Variants in PDSS2 observed in about 807,000 individuals in gnomAD.
The protein encoded by PDSS2 is decaprenyl diphosphate synthase subunit 2.
In PDSS2, 31 loss-of-function variants were observed where a neutral mutation model predicts 44.5. The observed-to-expected ratio is 0.70, with a 90% CI of 0.52 to 0.94. PDSS2 has a LOEUF of 0.94. Ranked by LOEUF, PDSS2 falls within the 40% of genes least tolerant of loss-of-function variation. The pLI is 0.00. For missense variants in PDSS2, 452 were observed against 482.2 expected, an observed-to-expected ratio of 0.94 and a Z score of 0.59; for synonymous variants, 157 against 180.3, an observed-to-expected ratio of 0.87 and a Z score of 1.03.
At chr6:107,173,582 A>AAC (rs1554249177) in intron 7 of PDSS2, among the ~76,000 whole-genome samples, 4 of 148,166 alleles carry the variant, frequency 2.7e-5, no homozygotes, top group Non-Finnish European at 5.9e-5. Flanking sequence ...CAAAAAAAAA[A>AAC]AAAAAAAAAA....
At chr6:107,229,540 T>C (rs954605172) in intron 4 of PDSS2, among the ~76,000 whole-genome samples, 1 of 152,156 alleles carries the variant, frequency 6.6e-6, no homozygotes, top group African/African-American at 2.4e-5. Flanking sequence ...CCCCTTCTAC[T>C]TTGGTAGGGT....
chr6:107,329,221 G>A (rs1008711791), intron 2 of PDSS2, among the ~76,000 whole-genome samples: 1 of 152,176 alleles, frequency 6.6e-6, no homozygotes, highest in Non-Finnish European at 1.5e-5. Flanking sequence ...ACTATGCCAT[G>A]CAGTATTCTA....
chr6:107,220,637 C>T (rs1773571089), intron 4 of PDSS2, among the ~76,000 whole-genome samples: 1 of 151,990 alleles, frequency 6.6e-6, no homozygotes, highest in Non-Finnish European at 1.5e-5. Flanking sequence ...GTGATTAAGA[C>T]TTTATTATTC....
intron 6 of PDSS2, among the ~76,000 whole-genome samples, chr6:107,202,222 T>C (rs1772802500): frequency 2.0e-5 from 3 of 152,100 alleles, no homozygotes. Flanking sequence ...AAGTTTTTAG[T>C]AGAGATGGGA....
intron 1 of PDSS2, among the ~76,000 whole-genome samples, chr6:107,409,611 C>T (rs188458551): frequency 3.9e-5 from 6 of 152,250 alleles, no homozygotes; most frequent in African/African-American, 1.2e-4. Context: ...ACCCAGTTAA[C>T]GTATTCACCA....
chr6:107,357,669 A>C (rs1778634151), intron 1 of PDSS2, among the ~76,000 whole-genome samples: 1 of 152,176 alleles, frequency 6.6e-6, no homozygotes, highest in Admixed American at 6.5e-5. Context: ...CTCTAAATTC[A>C]GTGCATTCCA....
chr6:107,210,495 C>T lies in PDSS2; in HGVS notation c.952G>A (p.Val318Ile), dbSNP rs768353921. ...SMTFNLNSAPVVLHQEFLGRD... is the reference protein window; with the variant it reads ...SMTFNLNSAPIVLHQEFLGRD... ...CCAAGAAATTCCTGATGTAAGACTACAGGAGCTGAGTTTAGATTAAAAGTC... is the reference window on the plus strand; with the variant it reads ...CCAAGAAATTCCTGATGTAAGACTATAGGAGCTGAGTTTAGATTAAAAGTC... Residue 318 changes from valine to isoleucine, a missense_variant, in exon 6 of 8, where the codon GTA becomes ATA. Val to Ile is a conservative substitution (Grantham distance 29). Transcript: ENST00000369037. The T allele has an allele frequency of 2.1e-5, 34 of 1,606,676 alleles. No individual in the cohort carries two copies. The highest frequency in any genetic ancestry group is 2.9e-5 in the Non-Finnish European group (34 of 1,173,422).
chr6:107,294,971 C>T (rs12196891), intron 2 of PDSS2, among the ~76,000 whole-genome samples: 4,239 of 152,122 alleles, frequency 0.028, 89 homozygotes, highest in East Asian at 0.057. Context: ...GCTTGGTCAC[C>T]CAGGCTGGAG....
intron 1 of PDSS2, among the ~76,000 whole-genome samples, chr6:107,364,425 A>G (rs186020732): frequency 6.6e-5 from 10 of 150,922 alleles, no homozygotes; most frequent in Admixed American, 2.0e-4. Flanking sequence ...GAAATCGAGC[A>G]CAGCGCCAGT....
At chr6:107,344,096 G>GTA (rs1445886370) in intron 1 of PDSS2, among the ~76,000 whole-genome samples, 1 of 152,094 alleles carries the variant, frequency 6.6e-6, no homozygotes, top group African/African-American at 2.4e-5. Flanking sequence ...GAGCCCTATG[G>GTA]TATAGGGACC....
chr6:107,171,088 C>T (rs1309818098), intron 7 of PDSS2, among the ~76,000 whole-genome samples: 3 of 152,200 alleles, frequency 2.0e-5, no homozygotes, highest in Non-Finnish European at 4.4e-5. Flanking sequence ...AGTCACAGGC[C>T]TGTAGAACAG....
At chr6:107,207,982 T>TTTTTTTGG (rs1411350659) in intron 6 of PDSS2, among the ~76,000 whole-genome samples, 2 of 96,504 alleles carry the variant, frequency 2.1e-5, no homozygotes, top group South Asian at 4.1e-4. Flanking sequence ...TGACTTGTTT[T>TTTTTTTGG]TTTTTTTTTT....
chr6:107,253,192 C>A (rs932545134), intron 3 of PDSS2, among the ~76,000 whole-genome samples: 1 of 152,040 alleles, frequency 6.6e-6, no homozygotes, highest in Non-Finnish European at 1.5e-5. Flanking sequence ...TGCGCCACCA[C>A]GCCTGGCTAA....
intron 4 of PDSS2, among the ~76,000 whole-genome samples, chr6:107,216,612 A>G (rs1476923977): frequency 6.6e-6 from 1 of 152,252 alleles, no homozygotes; most frequent in Non-Finnish European, 1.5e-5. Flanking sequence ...AATGAATATA[A>G]AGACATATCA....
intron 1 of PDSS2, among the ~76,000 whole-genome samples, chr6:107,378,826 T>C (rs1040587570): frequency 2.0e-5 from 3 of 152,162 alleles, no homozygotes; most frequent in Non-Finnish European, 1.5e-5. Flanking sequence ...CTACTGAAAT[T>C]TGTCTTTTTC....
intron 6 of PDSS2, among the ~76,000 whole-genome samples, chr6:107,194,915 C>T (rs970762199): frequency 6.6e-6 from 1 of 152,008 alleles, no homozygotes; most frequent in African/African-American, 2.4e-5. Context: ...GATCATGCCA[C>T]TGCACTCCAG....
At chr6:107,288,287 C>T (rs1776221888) in intron 2 of PDSS2, among the ~76,000 whole-genome samples, 1 of 152,142 alleles carries the variant, frequency 6.6e-6, no homozygotes, top group Non-Finnish European at 1.5e-5. Context: ...TCTACGCCTT[C>T]AAAAGTTGGT....
At chr6:107,396,095 G>T (rs887555834) in intron 1 of PDSS2, among the ~76,000 whole-genome samples, 3 of 152,136 alleles carry the variant, frequency 2.0e-5, no homozygotes, top group African/African-American at 7.2e-5. Flanking sequence ...GGTCCTGTAT[G>T]TTCTCTGGGA....
At chr6:107,284,754 A>T (rs549195276) in intron 2 of PDSS2, among the ~76,000 whole-genome samples, 4 of 152,288 alleles carry the variant, frequency 2.6e-5, no homozygotes, top group African/African-American at 9.6e-5. Context: ...AATGCCAGAT[A>T]TGTCACTTCA....
Sources: gnomAD v4.1 joint callset for allele counts (sites outside exome capture counted in the v4.1 genomes callset) on GRCh38, gnomAD v4.1.1 for gene constraint, MANE v1.5 for transcripts, NCBI Gene and HGNC (gene_info 2026-07-23, HGNC 2026-07-21) for gene names.